The following MACROD2 variants were observed in gnomAD, a reference collection of about 807,000 sequenced individuals.
The protein encoded by MACROD2 is ADP-ribose glycohydrolase MACROD2.
MACROD2 carries 36 observed loss-of-function variants against 70.4 expected under a neutral mutation model. That is an observed-to-expected ratio of 0.51 (90% CI 0.39 to 0.68). The LOEUF (loss-of-function observed/expected upper bound fraction) is 0.68, where lower values mean the gene tolerates loss of function less well. Among genes scored for constraint, MACROD2 ranks in the 30% least tolerant of loss-of-function variants. The probability of loss-of-function intolerance (pLI) is 0.00; values close to 1 mark genes in which losing one functional copy is unlikely to be tolerated. For synonymous variants in MACROD2, 172 were observed against 178.8 expected (o/e 0.96, Z 0.30); for missense variants, 496 against 538.4 (o/e 0.92, Z 0.78).
intron 8 of MACROD2, among the ~76,000 whole-genome samples, chr20:15,603,264 C>T (rs538082929): frequency 1.1e-4 from 16 of 151,776 alleles, no homozygotes; most frequent in African/African-American, 3.1e-4. Flanking sequence ...TTTGGGAGGC[C>T]GAAGCAGGTG....
At chr20:14,793,805 A>G (rs1600669714) in intron 5 of MACROD2, among the ~76,000 whole-genome samples, 1 of 152,206 alleles carries the variant, frequency 6.6e-6, no homozygotes, top group South Asian at 2.1e-4. Context: ...CTAAGGTACA[A>G]TGAGAATTGC....
intron 5 of MACROD2, among the ~76,000 whole-genome samples, chr20:14,923,893 T>C (rs1185634975): frequency 1.3e-5 from 2 of 152,006 alleles, no homozygotes; most frequent in Non-Finnish European, 2.9e-5. Context: ...TCTGCAACTT[T>C]TTCACCAGTG....
intron 15 of MACROD2, among the ~76,000 whole-genome samples, chr20:16,028,508 C>A (rs1261499273): frequency 6.6e-6 from 1 of 151,954 alleles, no homozygotes; most frequent in Non-Finnish European, 1.5e-5. Context: ...TATTATCTGG[C>A]CAAACATAAA....
At chr20:15,794,236 T>C (rs1240839391) in intron 8 of MACROD2, among the ~76,000 whole-genome samples, 1 of 152,190 alleles carries the variant, frequency 6.6e-6, no homozygotes, top group Non-Finnish European at 1.5e-5. Context: ...CACTCCTTTT[T>C]TTCTTTTAGC....
At chr20:14,967,981 T>C (rs1188091430) in intron 5 of MACROD2, among the ~76,000 whole-genome samples, 2 of 152,172 alleles carry the variant, frequency 1.3e-5, no homozygotes, top group East Asian at 1.9e-4. Flanking sequence ...ATTAAGGGTA[T>C]AGGACAGTTA....
chr20:15,913,247 T>G (rs565277087), intron 10 of MACROD2, among the ~76,000 whole-genome samples: 1 of 152,294 alleles, frequency 6.6e-6, no homozygotes, highest in South Asian at 2.1e-4. Flanking sequence ...AACAAATGCC[T>G]TTTTAAATAA....
intron 3 of MACROD2, among the ~76,000 whole-genome samples, chr20:14,406,821 T>A (rs987453158): frequency 1.3e-5 from 2 of 152,198 alleles, no homozygotes; most frequent in Non-Finnish European, 2.9e-5. Flanking sequence ...ATATTAATCA[T>A]TGACATTTCA....
chr20:15,300,885 G>T (rs184614417), intron 6 of MACROD2, among the ~76,000 whole-genome samples: 39 of 152,312 alleles, frequency 2.6e-4, no homozygotes, highest in South Asian at 6.2e-4. Context: ...CTGGGCTGAA[G>T]ACCCGGATGG....
At chr20:14,453,757 C>A (rs2084270023) in intron 3 of MACROD2, among the ~76,000 whole-genome samples, 1 of 151,974 alleles carries the variant, frequency 6.6e-6, no homozygotes, top group Non-Finnish European at 1.5e-5. Context: ...CCACTCTTAA[C>A]AGTTTTTTCC....
intron 10 of MACROD2, among the ~76,000 whole-genome samples, chr20:15,922,091 G>C (rs1568642500): frequency 6.6e-6 from 1 of 152,190 alleles, no homozygotes; most frequent in Non-Finnish European, 1.5e-5. Context: ...CCCTCAGGCC[G>C]CATATTCAAG....
At chr20:15,884,582 G>C (rs1044908832) in intron 9 of MACROD2, among the ~76,000 whole-genome samples, 2 of 152,056 alleles carry the variant, frequency 1.3e-5, no homozygotes, top group African/African-American at 4.8e-5. Context: ...TGTAAAAGGA[G>C]TGAGATACAG....
intron 8 of MACROD2, among the ~76,000 whole-genome samples, chr20:15,622,586 C>T (rs182135260): frequency 2.6e-5 from 4 of 152,238 alleles, no homozygotes; most frequent in South Asian, 4.2e-4. Flanking sequence ...TCTCGGGGAG[C>T]AGGATGGCAT....
intron 6 of MACROD2, among the ~76,000 whole-genome samples, chr20:15,360,955 A>G (rs762776916): frequency 6.6e-6 from 1 of 151,804 alleles, no homozygotes; most frequent in Non-Finnish European, 1.5e-5. Context: ...GATACTAGAT[A>G]TCGGACCTTT....
intron 8 of MACROD2, among the ~76,000 whole-genome samples, chr20:15,510,317 G>A (rs957591454): frequency 6.6e-6 from 1 of 152,158 alleles, no homozygotes. Context: ...TCTGGAGATA[G>A]AAGCATGCAC....
chr20:14,314,868 T>C (rs906549322), intron 3 of MACROD2, among the ~76,000 whole-genome samples: 1 of 152,124 alleles, frequency 6.6e-6, no homozygotes, highest in Non-Finnish European at 1.5e-5. Flanking sequence ...CATAATTTTT[T>C]CCACACAATT....
At position 15,639,356 on chromosome 20, in the gene MACROD2, T is replaced by C. The variant is rs1023138818; in HGVS notation, c.645+139509T>C. On this transcript the variant is annotated intron_variant, in intron 8 of 17. Transcript: ENST00000684519. ...CTGCATCGCTTAGTCCTGTACAATTTTGAGGCTCCATGAGAAGGCAGTTAG... is the reference window on the plus strand; with the variant it reads ...CTGCATCGCTTAGTCCTGTACAATTCTGAGGCTCCATGAGAAGGCAGTTAG... 3.3e-5 allele frequency among the ~76,000 whole-genome samples: 5 copies of C among 152,188 alleles called. No homozygotes were observed. The South Asian group carries it at 6.2e-4, about 19-fold the overall frequency.
chr20:14,823,175 C>A (rs1023525909), intron 5 of MACROD2, among the ~76,000 whole-genome samples: 4 of 151,918 alleles, frequency 2.6e-5, no homozygotes, highest in Non-Finnish European at 5.9e-5. Flanking sequence ...GATTCTAGGT[C>A]GTGTATATTT....
chr20:15,715,237 T>A (rs1208074450), intron 8 of MACROD2, among the ~76,000 whole-genome samples: 6 of 151,990 alleles, frequency 3.9e-5, no homozygotes. Context: ...TAAAAAAAAA[T>A]CTGGCTGCAA....
chr20:15,155,231 ATCTTGTGGGCACCCC>A (rs2145866792), intron 5 of MACROD2, among the ~76,000 whole-genome samples: 1 of 151,964 alleles, frequency 6.6e-6, no homozygotes, highest in African/African-American at 2.4e-5. Context: ...GATGATTCTG[ATCTTGTGGGCACCCC>A]TCTTTCCCTA....
Sources: gnomAD v4.1 joint callset for allele counts (sites outside exome capture counted in the v4.1 genomes callset) on GRCh38, gnomAD v4.1.1 for gene constraint, MANE v1.5 for transcripts, NCBI Gene and HGNC (gene_info 2026-07-23, HGNC 2026-07-21) for gene names.